The following ZDHHC14 variants were observed in gnomAD, a reference collection of about 807,000 sequenced individuals.
ZDHHC14 encodes the protein zDHHC palmitoyltransferase 14.
Under a neutral mutation model 47.7 loss-of-function variants are expected in ZDHHC14, and 16 were observed. The ratio of observed to expected loss-of-function variants is 0.34; its 90% CI spans 0.23 to 0.51. The LOEUF (loss-of-function observed/expected upper bound fraction) is 0.51. Ranked by LOEUF, ZDHHC14 falls within the 20% of genes least tolerant of loss-of-function variation. ZDHHC14 has a pLI of 0.97. For missense variants in ZDHHC14, 515 were observed against 662.5 expected (o/e 0.78, Z 2.44); for synonymous variants, 293 against 278.9 (o/e 1.05, Z -0.50).
chr6:157,630,685 A>G (rs1216880814), intron 4 of ZDHHC14: 1 of 147,638 alleles, frequency 6.8e-6, no homozygotes, highest in South Asian at 2.2e-4. Flanking sequence ...ACTCATATAT[A>G]CTCACCAATA....
chr6:157,619,223 A>AT (rs201449958), intron 3 of ZDHHC14, among the ~76,000 whole-genome samples: 10,572 of 150,486 alleles, frequency 0.07, 1,144 homozygotes, highest in African/African-American at 0.24. Context: ...TCTACTAAAA[A>AT]TTAAAAAAAA....
At chr6:157,487,035 A>G (rs1341544472) in intron 1 of ZDHHC14, among the ~76,000 whole-genome samples, 1 of 152,248 alleles carries the variant, frequency 6.6e-6, no homozygotes, top group Non-Finnish European at 1.5e-5. Flanking sequence ...TTCAGCAACT[A>G]CTGGACACAT....
At chr6:157,630,215 G>C (rs1785620373) in intron 4 of ZDHHC14, 2 of 151,934 alleles carry the variant, frequency 1.3e-5, no homozygotes, top group Admixed American at 1.3e-4. Context: ...CCTGACCTCA[G>C]GTGATCCGCC....
intron 2 of ZDHHC14, among the ~76,000 whole-genome samples, chr6:157,592,164 T>C (rs1470007447): frequency 2.0e-5 from 3 of 151,838 alleles, no homozygotes; most frequent in African/African-American, 7.3e-5. Context: ...TGGAACAGGG[T>C]TCACACCTTG....
intron 1 of ZDHHC14, among the ~76,000 whole-genome samples, chr6:157,445,144 A>ACACACACACACACACACT (rs376300431): frequency 2.7e-5 from 4 of 146,838 alleles, no homozygotes; most frequent in African/African-American, 1.0e-4. Context: ...ACACACACAC[A>ACACACACACACACACACT]CTCTTCATAT....
At chr6:157,637,481 A>C (rs182720650) in intron 5 of ZDHHC14, among the ~76,000 whole-genome samples, 25 of 152,264 alleles carry the variant, frequency 1.6e-4, no homozygotes, top group African/African-American at 5.8e-4. Flanking sequence ...TTTATGATGG[A>C]TGAGTTTGAT....
At position 157,542,670 on chromosome 6, in the gene ZDHHC14, C is replaced by T. The variant is rs1220829514; in HGVS notation, c.331C>T (p.Arg111Cys). Residue 111 changes from arginine to cysteine, a missense_variant, in exon 2 of 9, where the codon CGC becomes TGC. Transcript: ENST00000359775. ...CTTCTTTGTGATGGGGACCCTGCTC[C>T]GCACCAGCTTCAGCGACCCCGGAGT... ...LFFFVMGTLLRTSFSDPGVLP... is the reference protein window; with the variant it reads ...LFFFVMGTLLCTSFSDPGVLP... 7.4e-6 allele frequency: 12 copies of T among 1,614,030 alleles called. No individual in the cohort carries two copies. Among genetic ancestry groups the T allele is most frequent in the African/African-American group, 1.3e-5 (1 of 74,900 alleles).
intron 1 of ZDHHC14, among the ~76,000 whole-genome samples, chr6:157,459,214 A>T (rs148304293): frequency 0.017 from 2,553 of 152,256 alleles, 204 homozygotes; most frequent in Admixed American, 0.15. Context: ...ATGAAAGAAC[A>T]TTCTGGAAAA....
intron 2 of ZDHHC14, among the ~76,000 whole-genome samples, chr6:157,560,444 T>G (rs191349286): frequency 3.9e-5 from 6 of 152,330 alleles, no homozygotes; most frequent in African/African-American, 1.2e-4. Flanking sequence ...CAAAGATATC[T>G]AATGGCTTAT....
intron 3 of ZDHHC14, among the ~76,000 whole-genome samples, chr6:157,606,464 C>T (rs1189981833): frequency 6.6e-6 from 1 of 151,800 alleles, no homozygotes; most frequent in Non-Finnish European, 1.5e-5. Flanking sequence ...AAAACTCCAT[C>T]TCAAAAAAAA....
At chr6:157,508,104 CACCATTCCTTT>C (rs1780375095) in intron 1 of ZDHHC14, among the ~76,000 whole-genome samples, 1 of 152,156 alleles carries the variant, frequency 6.6e-6, no homozygotes, top group Non-Finnish European at 1.5e-5. Flanking sequence ...ACCTTGTCCC[CACCATTCCTTT>C]ACCTCTTTCA....
chr6:157,625,550 A>T (rs1487116560), intron 3 of ZDHHC14, among the ~76,000 whole-genome samples: 1 of 152,110 alleles, frequency 6.6e-6, no homozygotes, highest in Non-Finnish European at 1.5e-5. Context: ...TGATCATCAG[A>T]TGTTGGGCAG....
chr6:157,575,327 G>A (rs1283288165), intron 2 of ZDHHC14, among the ~76,000 whole-genome samples: 3 of 152,148 alleles, frequency 2.0e-5, no homozygotes, highest in Non-Finnish European at 2.9e-5. Context: ...GTGGTTGACC[G>A]AACAACTGGC....
chr6:157,664,590 T>C (rs1249462529), intron 8 of ZDHHC14, among the ~76,000 whole-genome samples: 1 of 152,218 alleles, frequency 6.6e-6, no homozygotes, highest in Non-Finnish European at 1.5e-5. Flanking sequence ...CTCTGAAGAT[T>C]GTTTGGTTTC....
intron 3 of ZDHHC14, among the ~76,000 whole-genome samples, chr6:157,621,461 A>C (rs1785182997): frequency 6.6e-6 from 1 of 152,164 alleles, no homozygotes; most frequent in Non-Finnish European, 1.5e-5. Context: ...GCACATTTCC[A>C]TCTATTTTCC....
At chr6:157,588,652 G>T (rs1282220321) in intron 2 of ZDHHC14, among the ~76,000 whole-genome samples, 1 of 152,172 alleles carries the variant, frequency 6.6e-6, no homozygotes, top group Non-Finnish European at 1.5e-5. Context: ...AAAACGCTTG[G>T]GTGTGGGTGT....
intron 8 of ZDHHC14, 35 bp from the exon 9 acceptor site, chr6:157,672,689 C>A (rs763370450): frequency 6.7e-7 from 1 of 1,484,474 alleles, no homozygotes; most frequent in Admixed American, 1.8e-5. Context: ...CCCCTCCTCT[C>A]CACCTTCTCT....
chr6:157,554,742 G>A (rs4709385), intron 2 of ZDHHC14, among the ~76,000 whole-genome samples: 11,260 of 152,260 alleles, frequency 0.074, 517 homozygotes, highest in Non-Finnish European at 0.1. Context: ...GTAAAAAAAC[G>A]TCGGCATTTG....
At chr6:157,620,773 G>A (rs1189971094) in intron 3 of ZDHHC14, among the ~76,000 whole-genome samples, 2 of 152,220 alleles carry the variant, frequency 1.3e-5, no homozygotes, top group African/African-American at 4.8e-5. Flanking sequence ...GACGCTTTGG[G>A]TCCTCAGGGC....
Sources: allele counts gnomAD v4.1 joint callset (sites outside exome capture counted in the v4.1 genomes callset), GRCh38; gene constraint gnomAD v4.1.1; transcripts MANE v1.5; gene names NCBI Gene and HGNC (gene_info 2026-07-23, HGNC 2026-07-21).